CEP112: variants seen among roughly 807,000 people sequenced by gnomAD.
CEP112 encodes centrosomal protein of 112 kDa.
A neutral mutation model predicts 153.0 loss-of-function variants in CEP112; 127 were observed. The observed-to-expected ratio is 0.83, with a 90% CI of 0.72 to 0.96. The LOEUF (loss-of-function observed/expected upper bound fraction) is 0.96. Ranked by LOEUF, CEP112 falls within the 40% of genes least tolerant of loss-of-function variation. The pLI is 0.00. For missense variants in CEP112, 1,089 were observed against 1,101.2 expected (o/e 0.99, Z 0.16); for synonymous variants, 358 against 374.4 (o/e 0.96, Z 0.51).
At chr17:65,795,696 C>T (rs2054871466) in intron 21 of CEP112, among the ~76,000 whole-genome samples, 1 of 152,092 alleles carries the variant, frequency 6.6e-6, no homozygotes, top group South Asian at 2.1e-4. Context: ...CCTGTAATCC[C>T]AGCTACTCAG....
chr17:66,127,670 T>C (rs775517008), intron 6 of CEP112, among the ~76,000 whole-genome samples: 9 of 152,128 alleles, frequency 5.9e-5, no homozygotes, highest in Non-Finnish European at 1.3e-4. Flanking sequence ...AGAGCTGTTC[T>C]AGTCTCCGGG....
chr17:66,071,924 T>A (rs2067320953), intron 8 of CEP112, among the ~76,000 whole-genome samples: 1 of 152,226 alleles, frequency 6.6e-6, no homozygotes. Flanking sequence ...TTATTTTATG[T>A]AGCTTGATGG....
intron 4 of CEP112, among the ~76,000 whole-genome samples, chr17:66,163,503 T>G (rs1378322754): frequency 6.6e-6 from 1 of 151,420 alleles, no homozygotes; most frequent in Admixed American, 6.6e-5. Flanking sequence ...AAAATGAAAA[T>G]AACTTCCAAA....
At chr17:66,002,450 G>C (rs1399462938) in intron 17 of CEP112, among the ~76,000 whole-genome samples, 2 of 152,110 alleles carry the variant, frequency 1.3e-5, no homozygotes, top group Admixed American at 6.5e-5. Context: ...TATGGAAGGA[G>C]TATATCTGGT....
chr17:65,811,334 T>C (rs1365796911), intron 21 of CEP112, among the ~76,000 whole-genome samples: 2 of 152,052 alleles, frequency 1.3e-5, no homozygotes, highest in Non-Finnish European at 2.9e-5. Context: ...TAATGGAAAG[T>C]GGAAAATGAT....
rs1229906479 is a variant in CEP112, at chr17:65,937,616, TG to T, written c.1873-9928del. Among the ~76,000 whole-genome samples, 11 of 47,130 alleles carry T rather than the reference TG, an allele frequency of 2.3e-4. 1 individual carries two copies. Among genetic ancestry groups the T allele is most frequent in the South Asian group, 3.5e-3 (2 of 570 alleles). 30.9% of individuals were successfully genotyped at this position (47,130 alleles called of 152,430 possible). A position where few individuals can be genotyped will look rare whatever the true frequency, so the allele number is the denominator to read the frequency against. ...CCAGCCGCCCCGTCCGGGAGGGAGG[TG>T]GGGGGGTCAGCCCCCCGCCCGGCCA... On this transcript the variant is annotated intron_variant, in intron 18 of 26. Transcript: ENST00000535342.
At chr17:65,636,240 G>A (rs924962789) in intron 26 of CEP112, among the ~76,000 whole-genome samples, 1 of 152,164 alleles carries the variant, frequency 6.6e-6, no homozygotes, top group Non-Finnish European at 1.5e-5. Context: ...AAACAGGAAG[G>A]GCGTTTGATG....
At chr17:65,892,996 T>C (rs1185220366) in intron 20 of CEP112, among the ~76,000 whole-genome samples, 1 of 152,152 alleles carries the variant, frequency 6.6e-6, no homozygotes, top group African/African-American at 2.4e-5. Flanking sequence ...AGGAGCAAAC[T>C]TAAGATGAAT....
chr17:65,918,624 A>C (rs991706289), intron 19 of CEP112, among the ~76,000 whole-genome samples: 3 of 152,218 alleles, frequency 2.0e-5, no homozygotes, highest in Non-Finnish European at 2.9e-5. Context: ...AAATCTCTAT[A>C]GTCCAGGAAG....
At chr17:65,854,767 T>C (rs549272183) in intron 20 of CEP112, among the ~76,000 whole-genome samples, 214 of 152,374 alleles carry the variant, frequency 1.4e-3, no homozygotes, top group Non-Finnish European at 2.4e-3. Flanking sequence ...TGTGTATCAA[T>C]AATCAGCTGT....
At chr17:65,746,463 G>A (rs1401151524) in intron 22 of CEP112, among the ~76,000 whole-genome samples, 1 of 152,084 alleles carries the variant, frequency 6.6e-6, no homozygotes, top group African/African-American at 2.4e-5. Context: ...ACTCACAGGT[G>A]ATACGGATAT....
At chr17:65,746,153 A>G (rs1243725380) in intron 22 of CEP112, among the ~76,000 whole-genome samples, 6 of 146,376 alleles carry the variant, frequency 4.1e-5, no homozygotes, top group African/African-American at 1.3e-4. Flanking sequence ...CAACAAGGGT[A>G]AAACTCCATC....
At chr17:65,850,854 C>T (rs916022687) in intron 21 of CEP112, among the ~76,000 whole-genome samples, 1 of 152,174 alleles carries the variant, frequency 6.6e-6, no homozygotes, top group Admixed American at 6.5e-5. Context: ...CAGGCTCACT[C>T]CTGCCTATTT....
chr17:66,042,056 T>C (rs148277337), intron 12 of CEP112, among the ~76,000 whole-genome samples: 175 of 152,204 alleles, frequency 1.1e-3, no homozygotes, highest in African/African-American at 3.3e-3. Flanking sequence ...ATGTTGATAA[T>C]ATGTATTCAT....
chr17:66,100,131 AGAGAGGCTGGACATGGT>A (rs1238061431), intron 6 of CEP112, among the ~76,000 whole-genome samples: 1 of 152,074 alleles, frequency 6.6e-6, no homozygotes, highest in Admixed American at 6.6e-5. Flanking sequence ...GTTGTACAAG[AGAGAGGCTGGACATGGT>A]GGCTCATGCC....
At chr17:65,984,094 A>G (rs1050901179) in intron 17 of CEP112, among the ~76,000 whole-genome samples, 7 of 152,158 alleles carry the variant, frequency 4.6e-5, no homozygotes, top group Non-Finnish European at 1.0e-4. Context: ...TCAGTTTTAA[A>G]TATTTGACAA....
In CEP112 at chr17:66,043,548, A is replaced by G. The variant is rs1006577289; in HGVS notation, c.1218+10188T>C. Among the ~76,000 whole-genome samples, 4 of 152,236 alleles carry G rather than the reference A, an allele frequency of 2.6e-5. No individual in the cohort carries two copies. The South Asian group carries it at 8.3e-4, about 31-fold the overall frequency. On this transcript the variant is annotated intron_variant, in intron 12 of 26. Transcript: ENST00000535342. ...AGGGTCCATGGTACAAAAGATGTTA[A>G]GAACTCCAGTAAGAAAGCCTAGAAT... is the stretch of plus-strand genomic sequence containing the variant.
intron 17 of CEP112, among the ~76,000 whole-genome samples, chr17:66,005,195 A>G (rs1343152058): frequency 6.6e-6 from 1 of 152,244 alleles, no homozygotes; most frequent in East Asian, 1.9e-4. Flanking sequence ...AAATGAATGG[A>G]GAAGACAAAT....
chr17:65,832,419 A>G (rs1305610695), intron 21 of CEP112, among the ~76,000 whole-genome samples: 1 of 142,872 alleles, frequency 7.0e-6, no homozygotes, highest in South Asian at 2.2e-4. Flanking sequence ...TGTTTTTTGG[A>G]AAAAAAAAAA....
Sources: allele counts gnomAD v4.1 joint callset (sites outside exome capture counted in the v4.1 genomes callset), GRCh38; gene constraint gnomAD v4.1.1; transcripts MANE v1.5; gene names NCBI Gene and HGNC (gene_info 2026-07-23, HGNC 2026-07-21).